SMARCB1: variants seen among roughly 807,000 people sequenced by gnomAD.
The protein encoded by SMARCB1 is SWI/SNF-related matrix-associated actin-dependent regulator of chromatin subfamily B member 1.
SMARCB1 carries 5 observed loss-of-function variants against 49.0 expected under a neutral mutation model. The ratio of observed to expected loss-of-function variants is 0.10; its 90% CI spans 0.05 to 0.21. The LOEUF is 0.21. SMARCB1 is among the 10% of genes least tolerant of loss of function. The pLI, the probability that SMARCB1 is intolerant of heterozygous loss-of-function variation, is 1.00. For missense variants in SMARCB1, 226 were observed against 509.2 expected (o/e 0.44, Z 5.35); for synonymous variants, 201 against 200.1 (o/e 1.00, Z -0.04).
At chr22:23,822,957 C>G (rs1288148769) in intron 6 of SMARCB1, among the ~76,000 whole-genome samples, 3 of 72,690 alleles carry the variant, frequency 4.1e-5, no homozygotes, top group Admixed American at 4.0e-4. Context: ...ACCAGCATAG[C>G]TTTTTTTTTT....
At chr22:23,821,923 G>C (rs2030109033) in intron 6 of SMARCB1, among the ~76,000 whole-genome samples, 1 of 151,140 alleles carries the variant, frequency 6.6e-6, no homozygotes, top group South Asian at 2.1e-4. Context: ...GGCTGGTCTC[G>C]AACTCCTGGG....
intron 5 of SMARCB1, among the ~76,000 whole-genome samples, chr22:23,813,313 C>T (rs905946291): frequency 2.6e-5 from 4 of 152,138 alleles, no homozygotes; most frequent in Admixed American, 1.3e-4. Context: ...AAATAAAAGA[C>T]GTGTAGATTG....
At chr22:23,812,467 T>C (rs949037566) in intron 5 of SMARCB1, among the ~76,000 whole-genome samples, 7 of 152,164 alleles carry the variant, frequency 4.6e-5, no homozygotes, top group African/African-American at 1.2e-4. Flanking sequence ...ACGCACTTCC[T>C]GATCAATTTT....
intron 5 of SMARCB1, among the ~76,000 whole-genome samples, chr22:23,808,042 G>A (rs944950716): frequency 2.7e-5 from 4 of 148,726 alleles, no homozygotes; most frequent in African/African-American, 7.5e-5. Flanking sequence ...TGCAAGCTCC[G>A]CCTCCCGGGT....
intron 3 of SMARCB1, among the ~76,000 whole-genome samples, chr22:23,800,551 C>A (rs9608184): frequency 0.8 from 121,878 of 151,956 alleles, 50,537 homozygotes; most frequent in Non-Finnish European, 0.92. Context: ...AGTCTCTCCT[C>A]CTTGCTGCTG....
rs2031114780 is a variant in SMARCB1 at position 23,837,071 on chromosome 22, C to T, written c.*2891C>T. 1.2e-6 allele frequency: 2 copies of T among 1,613,766 alleles called. No individual in the cohort carries two copies. Among genetic ancestry groups the T allele is most frequent in the East Asian group, 4.5e-5 (2 of 44,872 alleles). ...AGGGCTCTCAACACTCACAGGAAGC[C>T]AGGGGTCTGCAGGAGCCTCTTGCCT... On this transcript the variant is annotated 3_prime_UTR_variant, in exon 9 of 9. Coordinates refer to ENST00000644036, the MANE Select transcript of SMARCB1 (RefSeq NM_003073.5).
chr22:23,791,418 C>G lies in SMARCB1; in HGVS notation c.94-338C>G, dbSNP rs186305907. Among the ~76,000 whole-genome samples, 5 of 152,328 alleles carry G rather than the reference C, an allele frequency of 3.3e-5. No homozygotes were observed. The East Asian group carries it at 7.7e-4, about 23-fold the overall frequency. On this transcript the variant is annotated intron_variant, in intron 1 of 8. Coordinates refer to ENST00000644036, the MANE Select transcript of SMARCB1 (RefSeq NM_003073.5). ...TCTTGTCCTTAAGATAAAAGAAGGT[C>G]AAGGAGGCCTTGCATTTCTGGAAAG...
chr22:23,832,914 T>C (rs17003993), intron 7 of SMARCB1, among the ~76,000 whole-genome samples: 19,012 of 152,120 alleles, frequency 0.12, 1,435 homozygotes, highest in East Asian at 0.29. Context: ...GGGTGGTCCT[T>C]GTGAGACCCA....
chr22:23,804,138 C>T (rs1929348118), intron 5 of SMARCB1: 1 of 151,780 alleles, frequency 6.6e-6, no homozygotes, highest in Non-Finnish European at 1.5e-5. Flanking sequence ...CTGTATCCTG[C>T]TGAATTTTTA....
intron 1 of SMARCB1, 52 bp downstream of exon 1, chr22:23,787,314 C>T: frequency 8.6e-7 from 1 of 1,165,020 alleles, no homozygotes; most frequent in African/African-American, 1.7e-5. Context: ...GCGGGAGCCC[C>T]GGGGCGGGCC....
intron 7 of SMARCB1, chr22:23,825,671 C>A (rs2030346228): frequency 1.8e-6 from 1 of 540,556 alleles, no homozygotes; most frequent in Non-Finnish European, 3.3e-6. Flanking sequence ...AACCTCAAGT[C>A]CTTGCCTCCA....
In SMARCB1 at chr22:23,837,671, C is replaced by G; in HGVS notation, c.*3491C>G. On this transcript the variant is annotated 3_prime_UTR_variant, in exon 9 of 9. Coordinates refer to ENST00000644036, the MANE Select transcript of SMARCB1 (RefSeq NM_003073.5). ...CCGGGAGGCTCACCCAGCAGGTCCACGAGGATGGAGTTGCCCAGCAGCAGC... is the reference window on the plus strand; with the variant it reads ...CCGGGAGGCTCACCCAGCAGGTCCAGGAGGATGGAGTTGCCCAGCAGCAGC... 3.1e-6 allele frequency: 5 copies of G among 1,613,042 alleles called. No individual in the cohort carries two copies. The highest frequency in any genetic ancestry group is 4.2e-6 in the Non-Finnish European group (5 of 1,179,438).
rs1457631202 is a variant in SMARCB1 at position 23,837,686 on chromosome 22, CCAG to C, written c.*3514_*3516del. ...AGCAGGTCCACGAGGATGGAGTTGC[CCAG>C]CAGCAGCGAGAAGCCCATGAGCGCC... On this transcript the variant is annotated 3_prime_UTR_variant, in exon 9 of 9. Coordinates refer to ENST00000644036, the MANE Select transcript of SMARCB1 (RefSeq NM_003073.5). The C allele has an allele frequency of 1.2e-6, 2 of 1,613,688 alleles. No individual in the cohort carries two copies. Among genetic ancestry groups the C allele is most frequent in the Non-Finnish European group, 1.7e-6 (2 of 1,179,864 alleles).
chr22:23,787,029 C>G lies in SMARCB1; in HGVS notation c.-141C>G. The stretch of plus-strand genomic sequence containing the variant: ...TGCGGCGGCGGCGGCGGCTGAGGAG[C>G]CCGGCTGAGGCGCCAGTACCCGGCC... On this transcript the variant is annotated 5_prime_UTR_variant, in exon 1 of 9. Coordinates refer to ENST00000644036, the MANE Select transcript of SMARCB1 (RefSeq NM_003073.5). 2 of 550,958 alleles carry G rather than the reference C, an allele frequency of 3.6e-6. No homozygotes were observed. The highest frequency in any genetic ancestry group is 2.2e-5 in the South Asian group (1 of 45,026). The allele number at this position is 550,958 out of a possible 1,614,324, so 34.1% of individuals were successfully genotyped here.
intron 1 of SMARCB1, among the ~76,000 whole-genome samples, chr22:23,788,567 G>C (rs566714017): frequency 6.6e-6 from 1 of 151,702 alleles, no homozygotes; most frequent in African/African-American, 2.4e-5. Flanking sequence ...CACCGTGCCC[G>C]ACTAATTTTT....
chr22:23,800,530 G>A (rs1211489378), intron 3 of SMARCB1, among the ~76,000 whole-genome samples: 1 of 152,100 alleles, frequency 6.6e-6, no homozygotes, highest in East Asian at 1.9e-4. Context: ...CTCCTCCCTG[G>A]ACTGCCCCTC....
intron 7 of SMARCB1, among the ~76,000 whole-genome samples, chr22:23,826,484 T>C (rs143784840): frequency 4.6e-5 from 7 of 151,120 alleles, no homozygotes; most frequent in South Asian, 4.2e-4. Flanking sequence ...ACTCTAGGAC[T>C]GGGAAGCCCC....
chr22:23,823,455 G>C (rs1433815607), intron 6 of SMARCB1: 1 of 152,276 alleles, frequency 6.6e-6, no homozygotes, highest in Non-Finnish European at 1.5e-5. Flanking sequence ...AAGGACATGG[G>C]GGCCCGACTG....
chr22:23,820,670 C>A (rs1276834808), intron 6 of SMARCB1, among the ~76,000 whole-genome samples: 1 of 152,124 alleles, frequency 6.6e-6, no homozygotes, highest in Non-Finnish European at 1.5e-5. Context: ...AGTCTCTTTA[C>A]TTGTTAATAC....
Sources: allele counts gnomAD v4.1 joint callset (sites outside exome capture counted in the v4.1 genomes callset), GRCh38; gene constraint gnomAD v4.1.1; transcripts MANE v1.5; gene names NCBI Gene and HGNC (gene_info 2026-07-23, HGNC 2026-07-21).